Variants in NDUFAF2 observed in about 807,000 individuals in gnomAD.
NDUFAF2 encodes NADH:ubiquinone oxidoreductase complex assembly factor 2, also known as NADH dehydrogenase [ubiquinone] 1 alpha subcomplex assembly factor 2.
A neutral mutation model predicts 22.8 loss-of-function variants in NDUFAF2; 13 were observed. The ratio of observed to expected loss-of-function variants is 0.57; its 90% CI spans 0.37 to 0.91. The LOEUF is 0.91. NDUFAF2 is among the 40% of genes least tolerant of loss of function. The pLI is 0.01. For missense variants in NDUFAF2, 162 were observed against 195.2 expected (o/e 0.83, Z 1.01); for synonymous variants, 53 against 64.2 (o/e 0.83, Z 0.84).
intron 1 of NDUFAF2, among the ~76,000 whole-genome samples, chr5:60,983,228 C>T (rs568817988): frequency 1.4e-5 from 2 of 141,298 alleles, no homozygotes; most frequent in South Asian, 4.8e-4. Context: ...ATATCCTTTG[C>T]CCACTTGTTG....
At chr5:61,046,261 G>A (rs1751953442) in intron 1 of NDUFAF2, among the ~76,000 whole-genome samples, 1 of 152,014 alleles carries the variant, frequency 6.6e-6, no homozygotes, top group Admixed American at 6.6e-5. Flanking sequence ...TCAGGAATTG[G>A]CCTGTGTTTT....
intron 1 of NDUFAF2, among the ~76,000 whole-genome samples, chr5:61,045,990 C>G (rs1335041330): frequency 1.3e-5 from 2 of 152,034 alleles, no homozygotes; most frequent in Non-Finnish European, 2.9e-5. Context: ...TACATTTCTT[C>G]TATGTCTAAT....
chr5:61,042,007 C>T (rs951599059), intron 1 of NDUFAF2, among the ~76,000 whole-genome samples: 4 of 152,236 alleles, frequency 2.6e-5, no homozygotes, highest in Non-Finnish European at 5.9e-5. Flanking sequence ...TAATAAACTC[C>T]AATTTGAAAT....
At chr5:61,143,093 C>A (rs905701802) in intron 3 of NDUFAF2, among the ~76,000 whole-genome samples, 2 of 152,042 alleles carry the variant, frequency 1.3e-5, no homozygotes, top group African/African-American at 4.8e-5. Context: ...CAACTCTGAA[C>A]GTTTTGAAAC....
In NDUFAF2 at chr5:61,087,970, T is replaced by A. The variant is rs75931628; in HGVS notation, c.218-11022T>A. 8.7e-3 allele frequency among the ~76,000 whole-genome samples: 1,326 copies of A among 152,130 alleles called. 22 individuals are homozygous for A. The highest frequency in any genetic ancestry group is 0.031 in the African/African-American group (1,271 of 41,510). ...GGAGCCCAAGCACAGCCTAGCTAGG[T>A]TCTTTAGTTAAGGGTTTCACTAAGC... On this transcript the variant is annotated intron_variant, in intron 2 of 3. Transcript: ENST00000296597.
chr5:61,111,615 T>C (rs922048230), intron 3 of NDUFAF2, among the ~76,000 whole-genome samples: 2 of 151,730 alleles, frequency 1.3e-5, no homozygotes, highest in Non-Finnish European at 2.9e-5. Flanking sequence ...TTTTTTTTGT[T>C]TGTTTTTTTG....
At chr5:61,007,516 G>A (rs1320110024) in intron 1 of NDUFAF2, among the ~76,000 whole-genome samples, 1 of 152,154 alleles carries the variant, frequency 6.6e-6, no homozygotes, top group African/African-American at 2.4e-5. Context: ...CTTCTCAAAA[G>A]AAGACCTTTA....
At chr5:60,989,258 T>C (rs556842359) in intron 1 of NDUFAF2, among the ~76,000 whole-genome samples, 2 of 152,074 alleles carry the variant, frequency 1.3e-5, no homozygotes, top group Non-Finnish European at 2.9e-5. Context: ...ATCAAAAAAT[T>C]ACAGATGCTG....
At chr5:61,148,298 T>G (rs1331706109) in intron 3 of NDUFAF2, among the ~76,000 whole-genome samples, 1 of 152,204 alleles carries the variant, frequency 6.6e-6, no homozygotes, top group East Asian at 1.9e-4. Flanking sequence ...GGGATCACAC[T>G]ACTGTGCTGC....
chr5:61,095,043 C>T (rs966258057), intron 2 of NDUFAF2, among the ~76,000 whole-genome samples: 2 of 152,158 alleles, frequency 1.3e-5, no homozygotes, highest in African/African-American at 4.8e-5. Flanking sequence ...CTTGGACTCT[C>T]CAAAGCCCGG....
At chr5:61,093,642 C>G (rs1561562918) in intron 2 of NDUFAF2, among the ~76,000 whole-genome samples, 1 of 152,144 alleles carries the variant, frequency 6.6e-6, no homozygotes, top group Non-Finnish European at 1.5e-5. Flanking sequence ...TTTTGATGTG[C>G]TACTGTATTC....
chr5:61,030,560 T>C (rs896030352), intron 1 of NDUFAF2, among the ~76,000 whole-genome samples: 2 of 152,132 alleles, frequency 1.3e-5, no homozygotes, highest in African/African-American at 4.8e-5. Context: ...AGGTCTTTTA[T>C]ATATAAAACC....
intron 1 of NDUFAF2, among the ~76,000 whole-genome samples, chr5:61,014,764 A>T (rs1166143362): frequency 1.3e-5 from 2 of 152,226 alleles, no homozygotes; most frequent in Non-Finnish European, 2.9e-5. Context: ...AAGTTTAAGT[A>T]AAAATAACTC....
At chr5:61,140,038 C>G (rs999606653) in intron 3 of NDUFAF2, among the ~76,000 whole-genome samples, 1 of 152,240 alleles carries the variant, frequency 6.6e-6, no homozygotes. Flanking sequence ...CCTCATTCTT[C>G]TTAGGTGCAG....
intron 1 of NDUFAF2, among the ~76,000 whole-genome samples, chr5:60,992,156 T>C (rs1448929389): frequency 2.6e-5 from 4 of 152,244 alleles, no homozygotes; most frequent in Non-Finnish European, 4.4e-5. Context: ...GATTTTCCCC[T>C]GTAGAGCTGT....
At chr5:61,128,018 GC>G (rs1202277275) in intron 3 of NDUFAF2, among the ~76,000 whole-genome samples, 1 of 152,086 alleles carries the variant, frequency 6.6e-6, no homozygotes, top group Non-Finnish European at 1.5e-5. Flanking sequence ...CAAACAGAGG[GC>G]CAAATCATGA....
intron 3 of NDUFAF2, among the ~76,000 whole-genome samples, chr5:61,110,519 G>C (rs937589793): frequency 3.9e-5 from 6 of 151,970 alleles, no homozygotes; most frequent in African/African-American, 1.2e-4. Flanking sequence ...GGTTTGTTCA[G>C]GTTTTGGATT....
intron 3 of NDUFAF2, among the ~76,000 whole-genome samples, chr5:61,132,356 C>T (rs957852677): frequency 6.6e-6 from 1 of 152,180 alleles, no homozygotes. Flanking sequence ...ACCCTTGATT[C>T]TCCGTCTCCT....
intron 3 of NDUFAF2, chr5:61,146,066 T>G (rs1234254769): frequency 6.6e-6 from 1 of 152,146 alleles, no homozygotes; most frequent in African/African-American, 2.4e-5. Context: ...TTTTTGTTGA[T>G]GGGAATAAGG....
Sources: gnomAD v4.1 joint callset for allele counts (sites outside exome capture counted in the v4.1 genomes callset) on GRCh38, gnomAD v4.1.1 for gene constraint, MANE v1.5 for transcripts, NCBI Gene and HGNC (gene_info 2026-07-23, HGNC 2026-07-21) for gene names.